Variants in RBM4 observed in about 807,000 individuals in gnomAD.
The protein encoded by RBM4 is RNA-binding protein 4.
A neutral mutation model predicts 29.5 loss-of-function variants in RBM4; 7 were observed. That is an observed-to-expected ratio of 0.24 (90% CI 0.14 to 0.45). The LOEUF is 0.45. Ranked by LOEUF, RBM4 falls within the 20% of genes least tolerant of loss-of-function variation. The pLI is 1.00. For missense variants in RBM4, 387 were observed against 502.3 expected (o/e 0.77, Z 2.19); for synonymous variants, 220 against 205.4 (o/e 1.07, Z -0.61).
At position 66,639,696 on chromosome 11, in the gene RBM4, C is replaced by G; in HGVS notation, c.-12-4C>G. 1 of 1,610,160 alleles carries G rather than the reference C, an allele frequency of 6.2e-7. No individual in the cohort carries two copies. The stretch of plus-strand genomic sequence containing the variant: ...TTGTCAGATGTCTTGTTTTTCTCTC[C>G]CAGGCTCTTGTCAGGATGGTGAAGC... On this transcript the variant is annotated splice_polypyrimidine_tract_variant and splice_region_variant and intron_variant, in intron 1 of 3. Transcript: ENST00000310092.
chr11:66,666,714 A>G (rs553150822), exon 3 of RBM4: 2 of 152,274 alleles, frequency 1.3e-5, no homozygotes, highest in African/African-American at 4.8e-5. Flanking sequence ...ATCCAGCTGC[A>G]TTAAAAGTAA....
At chr11:66,650,069 C>T, downstream of RBM4, 1 of 419,168 alleles carries the variant, frequency 2.4e-6, no homozygotes, top group Non-Finnish European at 4.2e-6. Context: ...CCTCACTGTG[C>T]CTCCACAAGC....
At chr11:66,662,838 T>C (rs1026497958) in intron 2 of RBM4, among the ~76,000 whole-genome samples, 2 of 152,196 alleles carry the variant, frequency 1.3e-5, no homozygotes, top group African/African-American at 4.8e-5. Context: ...AATCCCAGCA[T>C]CTTTGCCTTA....
At chr11:66,655,294 CT>C (rs565194100) in intron 2 of RBM4, among the ~76,000 whole-genome samples, 312 of 143,510 alleles carry the variant, frequency 2.2e-3, no homozygotes, top group Non-Finnish European at 2.2e-3. Context: ...CACTTCTTTT[CT>C]TTTTTTTTTT....
At chr11:66,640,490 G>A in intron 2 of RBM4, 1 of 429,348 alleles carries the variant, frequency 2.3e-6, no homozygotes, top group East Asian at 3.5e-5. Context: ...CCTCAGCACA[G>A]GATCAGAATT....
chr11:66,665,638 G>A (rs4930386), intron 2 of RBM4: 129 of 1,534,846 alleles, frequency 8.4e-5, no homozygotes, highest in Admixed American at 4.9e-4. Flanking sequence ...CTGGCTCCGC[G>A]TACAAGCGCC....
chr11:66,647,754 G>GATAC (rs1285135318), downstream of RBM4, among the ~76,000 whole-genome samples: 1 of 152,166 alleles, frequency 6.6e-6, no homozygotes, highest in African/African-American at 2.4e-5. Context: ...AAGTGTTGGC[G>GATAC]ATACATACGG....
intron 1 of RBM4, 128 bp from the exon 2 acceptor site, chr11:66,639,572 T>C: frequency 8.8e-7 from 1 of 1,138,174 alleles, no homozygotes; most frequent in South Asian, 1.6e-5. Flanking sequence ...TTGATTATTG[T>C]GTGGAGGTGT....
At chr11:66,651,697 A>G (rs1490868865) in intron 2 of RBM4, among the ~76,000 whole-genome samples, 7 of 152,294 alleles carry the variant, frequency 4.6e-5, no homozygotes, top group Non-Finnish European at 7.4e-5. Context: ...AAAAGACCGT[A>G]AGACTGGATG....
intron 2 of RBM4, among the ~76,000 whole-genome samples, chr11:66,642,750 C>G (rs987524227): frequency 5.3e-5 from 8 of 152,056 alleles, no homozygotes; most frequent in Non-Finnish European, 7.4e-5. Flanking sequence ...TGCCTTTGAC[C>G]CTAGTAGAGG....
chr11:66,657,472 A>C (rs1938971009), intron 2 of RBM4, among the ~76,000 whole-genome samples: 1 of 151,670 alleles, frequency 6.6e-6, no homozygotes, highest in Admixed American at 6.6e-5. Context: ...ACTTGAGGTC[A>C]GGAGCTCGAG....
At chr11:66,648,914 T>G (rs1379587814), downstream of RBM4, among the ~76,000 whole-genome samples, 1 of 151,058 alleles carries the variant, frequency 6.6e-6, no homozygotes, top group Non-Finnish European at 1.5e-5. Flanking sequence ...AATGTAAGAG[T>G]AGTTTTTTCA....
In RBM4 at chr11:66,644,008, G is replaced by A; in HGVS notation, c.971G>A (p.Gly324Asp). The change falls in exon 3 of 4, where the codon GGC (glycine) becomes GAC (aspartate). Residue 324 changes from glycine (G) to aspartate (D), a missense_variant. Transcript: ENST00000310092. ...ATAPVPTVGE[G>D]YGYGHESELS... Reference sequence around the variant, plus strand: ...GCCCCAGTCCCCACTGTTGGAGAGGGCTACGGTTACGGGCATGAGAGTGAG... The same window carrying A: ...GCCCCAGTCCCCACTGTTGGAGAGGACTACGGTTACGGGCATGAGAGTGAG... 1 of 1,613,618 alleles carries A rather than the reference G, an allele frequency of 6.2e-7. No homozygotes were observed.
Position 66,646,095 on chromosome 11 carries a change from A to G in RBM4, c.*77A>G. On this transcript the variant is annotated 3_prime_UTR_variant, in exon 4 of 4. Transcript: ENST00000310092. ...GAGAATACACCCTTCGTGGTACCCC[A>G]TCTCCGGGACGTTCTCGGCTCTGTG... The G allele has an allele frequency of 6.5e-7, 1 of 1,535,586 alleles. No individual in the cohort carries two copies. Among genetic ancestry groups the G allele is most frequent in the African/African-American group, 1.4e-5 (1 of 73,152 alleles).
chr11:66,656,606 A>G (rs1335949934), intron 2 of RBM4, among the ~76,000 whole-genome samples: 1 of 152,166 alleles, frequency 6.6e-6, no homozygotes, highest in Non-Finnish European at 1.5e-5. Flanking sequence ...AATAAAATAT[A>G]CCAATTTTGA....
At chr11:66,648,478 G>T (rs1938756347), downstream of RBM4, among the ~76,000 whole-genome samples, 1 of 151,712 alleles carries the variant, frequency 6.6e-6, no homozygotes, top group South Asian at 2.1e-4. Flanking sequence ...GCTAAGATCA[G>T]GCCACTGCAC....
intron 2 of RBM4, among the ~76,000 whole-genome samples, chr11:66,657,308 G>T (rs925897162): frequency 1.3e-5 from 2 of 151,156 alleles, no homozygotes; most frequent in African/African-American, 4.9e-5. Context: ...TTATCTTTTG[G>T]TAGAGATGGG....
At chr11:66,642,294 C>T (rs1689335231) in intron 2 of RBM4, among the ~76,000 whole-genome samples, 1 of 152,162 alleles carries the variant, frequency 6.6e-6, no homozygotes, top group African/African-American at 2.4e-5. Context: ...ACCATTTACT[C>T]CTTTGACAGG....
intron 1 of RBM4, chr11:66,639,062 G>T (rs1248751357): frequency 1.3e-5 from 2 of 152,052 alleles, no homozygotes; most frequent in African/African-American, 4.8e-5. Flanking sequence ...GGAATTTCTC[G>T]GGCCGTGAGA....
Sources: allele counts gnomAD v4.1 joint callset (sites outside exome capture counted in the v4.1 genomes callset), GRCh38; gene constraint gnomAD v4.1.1; transcripts MANE v1.5; gene names NCBI Gene and HGNC (gene_info 2026-07-23, HGNC 2026-07-21).